C8orf34: variants seen among roughly 807,000 people sequenced by gnomAD.
C8orf34 encodes the protein uncharacterized protein C8orf34.
C8orf34 carries 65 observed loss-of-function variants against 68.3 expected under a neutral mutation model. The ratio of observed to expected loss-of-function variants is 0.95; its 90% CI spans 0.78 to 1.17. C8orf34 has a LOEUF of 1.17. Among genes scored for constraint, C8orf34 ranks in the 50% most tolerant of loss-of-function variants. The probability of loss-of-function intolerance (pLI) is 0.00; values close to 1 mark genes in which losing one functional copy is unlikely to be tolerated. For synonymous variants in C8orf34, 244 were observed against 241.2 expected, an observed-to-expected ratio of 1.01 and a Z score of -0.11; for missense variants, 664 against 655.4, an observed-to-expected ratio of 1.01 and a Z score of -0.14.
intron 7 of C8orf34, among the ~76,000 whole-genome samples, chr8:68,593,835 T>C (rs1313418931): frequency 1.3e-5 from 2 of 152,080 alleles, no homozygotes; most frequent in African/African-American, 4.8e-5. Flanking sequence ...CATGGCTATA[T>C]TACCTTAAAG....
intron 11 of C8orf34, among the ~76,000 whole-genome samples, chr8:68,781,662 A>T (rs926007839): frequency 6.6e-5 from 10 of 152,208 alleles, no homozygotes; most frequent in Non-Finnish European, 1.3e-4. Flanking sequence ...TTAGACATAC[A>T]TAGTGGTGCT....
intron 7 of C8orf34, among the ~76,000 whole-genome samples, chr8:68,629,701 T>C (rs1818634024): frequency 2.6e-5 from 4 of 152,140 alleles, no homozygotes; most frequent in Admixed American, 2.6e-4. Context: ...AAAGATCAAG[T>C]TTCTATTCTA....
chr8:68,606,889 A>G (rs1319548153), intron 7 of C8orf34, among the ~76,000 whole-genome samples: 9 of 152,138 alleles, frequency 5.9e-5, no homozygotes, highest in Admixed American at 5.2e-4. Context: ...GGATATTTTG[A>G]CATGCAAATA....
intron 8 of C8orf34, chr8:68,695,615 G>A (rs1035953890): frequency 5.3e-5 from 8 of 152,102 alleles, no homozygotes; most frequent in Non-Finnish European, 7.4e-5. Flanking sequence ...TACAGATTTC[G>A]TGGTAATATT....
chr8:68,589,235 C>A (rs1171996804), intron 7 of C8orf34, among the ~76,000 whole-genome samples: 1 of 152,162 alleles, frequency 6.6e-6, no homozygotes, highest in Non-Finnish European at 1.5e-5. Flanking sequence ...GTCTATCCAT[C>A]CATCCGTGTG....
At chr8:68,652,589 A>G (rs773195257) in intron 8 of C8orf34, among the ~76,000 whole-genome samples, 2 of 152,182 alleles carry the variant, frequency 1.3e-5, no homozygotes, top group Non-Finnish European at 2.9e-5. Flanking sequence ...ATTTTTGTCT[A>G]TGATGTGAGA....
intron 7 of C8orf34, among the ~76,000 whole-genome samples, chr8:68,554,421 A>G (rs1238398373): frequency 2.0e-5 from 3 of 152,152 alleles, no homozygotes; most frequent in Non-Finnish European, 4.4e-5. Context: ...GTATCTAAAC[A>G]GAGAATCATA....
chr8:68,393,049 A>C (rs1046987191), intron 1 of C8orf34, among the ~76,000 whole-genome samples: 3 of 152,170 alleles, frequency 2.0e-5, no homozygotes, highest in African/African-American at 7.2e-5. Flanking sequence ...TGAAGGAAGG[A>C]AATGCTGAAG....
At chr8:68,744,326 C>A (rs1246168064) in intron 10 of C8orf34, among the ~76,000 whole-genome samples, 1 of 152,182 alleles carries the variant, frequency 6.6e-6, no homozygotes, top group Non-Finnish European at 1.5e-5. Context: ...AAGCAGAGCA[C>A]CTCTCCTCCT....
chr8:68,437,505 C>T (rs1313727495), intron 1 of C8orf34, among the ~76,000 whole-genome samples: 2 of 151,930 alleles, frequency 1.3e-5, no homozygotes, highest in Non-Finnish European at 2.9e-5. Flanking sequence ...AAAATTAGTT[C>T]AAATAAAGCA....
intron 1 of C8orf34, among the ~76,000 whole-genome samples, chr8:68,429,677 A>G (rs1403282808): frequency 6.6e-6 from 1 of 152,246 alleles, no homozygotes; most frequent in Non-Finnish European, 1.5e-5. Flanking sequence ...TGAAAACTAA[A>G]CAGCAATGAA....
chr8:68,613,468 T>A (rs1003170907), intron 7 of C8orf34, among the ~76,000 whole-genome samples: 3 of 126,146 alleles, frequency 2.4e-5, no homozygotes, highest in African/African-American at 6.7e-5. Flanking sequence ...GTCCCCAGAG[T>A]GTGATATTCC....
At chr8:68,401,763 T>C (rs1808966193) in intron 1 of C8orf34, among the ~76,000 whole-genome samples, 1 of 152,126 alleles carries the variant, frequency 6.6e-6, no homozygotes, top group South Asian at 2.1e-4. Flanking sequence ...TCATGGTGTG[T>C]TATCTTTTTA....
intron 7 of C8orf34, among the ~76,000 whole-genome samples, chr8:68,575,629 G>T (rs1421965333): frequency 6.6e-6 from 1 of 151,994 alleles, no homozygotes; most frequent in South Asian, 2.1e-4. Context: ...CATACACAAT[G>T]ATAACTCATC....
chr8:68,413,883 G>A (rs867227942), intron 1 of C8orf34, among the ~76,000 whole-genome samples: 5 of 152,080 alleles, frequency 3.3e-5, no homozygotes, highest in South Asian at 4.1e-4. Context: ...CATTGGCTTT[G>A]CACTCCATTT....
chr8:68,370,391 C>G (rs1290730677), intron 1 of C8orf34, among the ~76,000 whole-genome samples: 1 of 152,148 alleles, frequency 6.6e-6, no homozygotes, highest in Admixed American at 6.5e-5. Context: ...TCTCTGGAAT[C>G]CATCATCCCA....
At chr8:68,815,486 G>A (rs1314898486) in intron 12 of C8orf34, among the ~76,000 whole-genome samples, 2 of 152,098 alleles carry the variant, frequency 1.3e-5, no homozygotes, top group Admixed American at 1.3e-4. Context: ...GTACCTGTCT[G>A]GGGCTGAATA....
rs560388642 is a variant in C8orf34, at chr8:68,782,872, C to T, written c.1456-4571C>T. 1.2e-4 allele frequency among the ~76,000 whole-genome samples: 18 copies of T among 150,482 alleles called. 1 individual carries two copies. The highest frequency in any genetic ancestry group is 6.4e-4 in the South Asian group (3 of 4,714). ...AGGAATTGAAGACCAGTCTGGGCAA[C>T]GGAGAGAGACCCAGTCTCTACAATG... On this transcript the variant is annotated intron_variant, in intron 11 of 13. Transcript: ENST00000518698.
chr8:68,654,446 C>T (rs1315700213), intron 8 of C8orf34, among the ~76,000 whole-genome samples: 3 of 152,116 alleles, frequency 2.0e-5, no homozygotes, highest in Non-Finnish European at 4.4e-5. Context: ...TTCACTTTCT[C>T]ACTGTTATTT....
Sources: gnomAD v4.1 joint callset for allele counts (sites outside exome capture counted in the v4.1 genomes callset) on GRCh38, gnomAD v4.1.1 for gene constraint, MANE v1.5 for transcripts, NCBI Gene and HGNC (gene_info 2026-07-23, HGNC 2026-07-21) for gene names.